HTRA2: variants seen among roughly 807,000 people sequenced by gnomAD.
HTRA2 encodes the protein serine protease HTRA2, mitochondrial.
A neutral mutation model predicts 42.2 loss-of-function variants in HTRA2; 24 were observed. That is an observed-to-expected ratio of 0.57 (90% CI 0.41 to 0.80). HTRA2 has a LOEUF of 0.80. Among genes scored for constraint, HTRA2 ranks in the 30% least tolerant of loss-of-function variants. The probability of loss-of-function intolerance (pLI) is 0.00; values close to 1 mark genes in which losing one functional copy is unlikely to be tolerated. For synonymous variants in HTRA2, 245 were observed against 255.8 expected (o/e 0.96, Z 0.40); for missense variants, 466 against 613.5 (o/e 0.76, Z 2.54).
At position 74,531,661 on chromosome 2, in the gene HTRA2, C is replaced by G. The variant is rs1187303679; in HGVS notation, c.1004C>G (p.Ser335Cys). ...GCTGGAATCTCCTTTGCCATCCCTT[C>G]TGATCGTCTTCGAGAGTTTCTGCAT... is the stretch of plus-strand genomic sequence containing the variant. ...VTAGISFAIPSDRLREFLHRG... is the reference protein window; with the variant it reads ...VTAGISFAIPCDRLREFLHRG... The change falls in exon 5 of 8, where the codon TCT (serine) becomes TGT (cysteine). Residue 335 changes from serine (S) to cysteine (C), a missense_variant. Transcript: ENST00000258080. 6.2e-7 allele frequency: 1 copy of G among 1,614,204 alleles called. No individual in the cohort carries two copies. The highest frequency in any genetic ancestry group is 8.5e-7 in the Non-Finnish European group (1 of 1,180,044).
chr2:74,531,843 C>T lies in HTRA2; in HGVS notation c.1046-13C>T, dbSNP rs542851656. 2.9e-5 allele frequency: 46 copies of T among 1,613,700 alleles called. No homozygotes were observed. The Admixed American group carries it at 3.2e-4, about 11-fold the overall frequency. ...ATGTAGCTGGGTGGGGCTCATTTGT[C>T]CCTCTGTCACAGATTCCTCCTCCGG... On this transcript the variant is annotated splice_polypyrimidine_tract_variant and intron_variant, in intron 5 of 7. Coordinates refer to ENST00000258080, the MANE Select transcript of HTRA2 (RefSeq NM_013247.5).
upstream of HTRA2, chr2:74,529,741 C>A (rs955124140): frequency 2.6e-6 from 4 of 1,513,684 alleles, no homozygotes; most frequent in African/African-American, 5.5e-5. Context: ...GTGAGGGGAC[C>A]CGAAGTCCTG....
Position 74,530,337 on chromosome 2 carries a change from C to T in HTRA2, c.331C>T (p.Leu111=), listed in dbSNP as rs1675495619. The change falls in exon 1 of 8, where the codon CTG becomes TTG. Residue 111 remains leucine, a synonymous_variant. Transcript: ENST00000258080. The surrounding 1 kb of genome is among the most constrained non-coding windows in gnomAD (Gnocchi z 7.4). ...TRSRAWLAVA[L]GAGGAVLLLL... is the part of the protein sequence containing the mutation. The stretch of plus-strand genomic sequence containing the variant: ...TTCGCGCGCGTGGCTGGCGGTGGCG[C>T]TGGGCGCTGGGGGGGCAGTGCTGTT... 2 of 1,592,222 alleles carry T rather than the reference C, an allele frequency of 1.3e-6. No individual in the cohort carries two copies. Among genetic ancestry groups the T allele is most frequent in the Non-Finnish European group, 1.7e-6 (2 of 1,167,736 alleles).
Position 74,533,115 on chromosome 2 carries a change from C to T in HTRA2, c.*130C>T, listed in dbSNP as rs990539063. ...AGGTCCCTCCAACCACCAGCACTGA[C>T]TCCTGGGCTCTGAAGAATCACAGAA... On this transcript the variant is annotated 3_prime_UTR_variant, in exon 8 of 8. Transcript: ENST00000258080. 2.2e-5 allele frequency: 16 copies of T among 743,822 alleles called. No individual in the cohort carries two copies. Among genetic ancestry groups the T allele is most frequent in the African/African-American group, 3.6e-5 (2 of 56,324 alleles). 46.1% of individuals were successfully genotyped at this position (743,822 alleles called of 1,614,324 possible). A position where few individuals can be genotyped will look rare whatever the true frequency, so the allele number is the denominator to read the frequency against.
chr2:74,529,527 C>A, upstream of HTRA2: 2 of 1,548,132 alleles, frequency 1.3e-6, no homozygotes. Context: ...AGTGGTCAGG[C>A]GCCGAAGGCC....
At chr2:74,529,693 G>T (rs377647662), upstream of HTRA2, 8 of 1,538,570 alleles carry the variant, frequency 5.2e-6, no homozygotes, top group East Asian at 9.8e-5. Flanking sequence ...GGCCGCAGGG[G>T]CTCTTGGGAA....
rs1192070557 is a variant in HTRA2 at position 74,530,031 on chromosome 2, G to C, written c.25G>C (p.Gly9Arg). Residue 9 changes from glycine (G) to arginine (R), a missense_variant, in exon 1 of 8, where the codon GGT becomes CGT. By Grantham distance (125) the Gly-to-Arg change is moderately radical. Coordinates refer to ENST00000258080, the MANE Select transcript of HTRA2 (RefSeq NM_013247.5). The surrounding 1 kb of genome is among the most constrained non-coding windows in gnomAD (Gnocchi z 7.4). ...GATGGCTGCGCCGAGGGCGGGGCGG[G>C]GTGCAGGCTGGAGCCTTCGGGCATG... The part of the protein sequence containing the change: MAAPRAGR[G>R]AGWSLRAWRA... 2 of 1,552,692 alleles carry C rather than the reference G, an allele frequency of 1.3e-6. No individual in the cohort carries two copies. The highest frequency in any genetic ancestry group is 1.7e-6 in the Non-Finnish European group (2 of 1,144,080).
In HTRA2 at chr2:74,530,561, CG is replaced by C; in HGVS notation, c.506+52del. 1 of 1,613,360 alleles carries C rather than the reference CG, an allele frequency of 6.2e-7. No homozygotes were observed. The highest frequency in any genetic ancestry group is 8.5e-7 in the Non-Finnish European group (1 of 1,179,856). On this transcript the variant is annotated intron_variant, in intron 1 of 7. Coordinates refer to ENST00000258080, the MANE Select transcript of HTRA2 (RefSeq NM_013247.5). This position sits in a 1 kb window ranked among gnomAD's most constrained non-coding sequence, Gnocchi z 7.4. ...GGCACTGAAGCCACAGGCTGGAGGGCGGGCGGGTAGGAGGGGTCAGAGCCTC... is the reference window on the plus strand; with the variant it reads ...GGCACTGAAGCCACAGGCTGGAGGGCGGCGGGTAGGAGGGGTCAGAGCCTC...
chr2:74,532,798 C>T (rs1675713305), intron 7 of HTRA2, 22 bp from the exon 8 acceptor site: 1 of 1,614,112 alleles, frequency 6.2e-7, no homozygotes, highest in Non-Finnish European at 8.5e-7. Flanking sequence ...CTTCCTTTCT[C>T]TCTGTCCATT....
chr2:74,529,513 G>A, upstream of HTRA2: 1 of 1,549,492 alleles, frequency 6.5e-7, no homozygotes, highest in Non-Finnish European at 8.7e-7. Context: ...GGGGCGAGAG[G>A]CGAAGTGGTC....
Position 74,530,320 on chromosome 2 carries a change from C to A in HTRA2, c.314C>A (p.Ala105Glu). 1 of 1,596,208 alleles carries A rather than the reference C, an allele frequency of 6.3e-7. No individual in the cohort carries two copies. The highest frequency in any genetic ancestry group is 1.3e-5 in the African/African-American group (1 of 74,414). ...GAGAACTCTGGAACCCGTTCGCGCG[C>A]GTGGCTGGCGGTGGCGCTGGGCGCT... ...ASENSGTRSRAWLAVALGAGG... is the reference protein window; with the variant it reads ...ASENSGTRSREWLAVALGAGG... Residue 105 changes from alanine to glutamate, a missense_variant, in exon 1 of 8, where the codon GCG becomes GAG. Ala to Glu is a moderately radical substitution (Grantham distance 107). Transcript: ENST00000258080. The surrounding 1 kb of genome is among the most constrained non-coding windows in gnomAD (Gnocchi z 7.4).
chr2:74,529,435 G>T (rs1213669136), upstream of HTRA2: 1 of 1,578,666 alleles, frequency 6.3e-7, no homozygotes, highest in African/African-American at 1.3e-5. Context: ...CGCAGGACGA[G>T]GAGGCAGAAC....
At chr2:74,529,729 G>A (rs1353160360), upstream of HTRA2, 4 of 1,522,912 alleles carry the variant, frequency 2.6e-6, no homozygotes, top group South Asian at 3.6e-5. Flanking sequence ...CATCCGCCCG[G>A]GGTGAGGGGA....
rs886065463 is a variant in HTRA2, at chr2:74,531,323, T to C, written c.907-16T>C. The C allele has an allele frequency of 1.2e-6, 2 of 1,613,858 alleles. No homozygotes were observed. The highest frequency in any genetic ancestry group is 2.2e-5 in the East Asian group (1 of 44,886). On this transcript the variant is annotated splice_polypyrimidine_tract_variant and intron_variant, in intron 3 of 7. Coordinates refer to ENST00000258080, the MANE Select transcript of HTRA2 (RefSeq NM_013247.5). ...GAATCCCCAGATCTCTTTCATGTTT[T>C]CTCCTTGTCCTACAGTTTGGAAACT... is the stretch of plus-strand genomic sequence containing the variant.
rs771959498 is a variant in HTRA2 at position 74,530,523 on chromosome 2, G to C, written c.506+11G>C. The stretch of plus-strand genomic sequence containing the variant: ...CGAGATCCTGGACCGGTAATGGTGG[G>C]GGTAGACCGGGAGGCACTGAAGCCA... On this transcript the variant is annotated intron_variant, in intron 1 of 7. Coordinates refer to ENST00000258080, the MANE Select transcript of HTRA2 (RefSeq NM_013247.5). This position sits in a 1 kb window ranked among gnomAD's most constrained non-coding sequence, Gnocchi z 7.4. 3 of 1,613,082 alleles carry C rather than the reference G, an allele frequency of 1.9e-6. No homozygotes were observed. Among genetic ancestry groups the C allele is most frequent in the Non-Finnish European group, 8.5e-7 (1 of 1,180,044 alleles).
chr2:74,531,232 A>C, intron 3 of HTRA2, 107 bp from the exon 4 acceptor site: 2 of 1,550,744 alleles, frequency 1.3e-6, no homozygotes, highest in East Asian at 4.5e-5. Context: ...GTGGCCACTT[A>C]TTCATGGGCT....
At position 74,530,623 on chromosome 2, in the gene HTRA2, T is replaced by C. The variant is rs183216401; in HGVS notation, c.513T>C (p.Pro171=). ...VVYIEILDRH[P]FLGREVPISN... ...TGCTTTCCCTCCATTTCAGGCACCC[T>C]TTCTTGGGCCGCGAGGTCCCTATCT... Residue 171 remains proline (P), a synonymous_variant, in exon 2 of 8, where the codon CCT becomes CCC. Transcript: ENST00000258080. This position sits in a 1 kb window ranked among gnomAD's most constrained non-coding sequence, Gnocchi z 7.4. The C allele has an allele frequency of 8.1e-6, 13 of 1,614,128 alleles. No individual in the cohort carries two copies. Among genetic ancestry groups the C allele is most frequent in the African/African-American group, 1.3e-5 (1 of 75,056 alleles).
intron 3 of HTRA2, 67 bp from the exon 4 acceptor site, chr2:74,531,272 T>TA: frequency 6.3e-7 from 1 of 1,585,558 alleles, no homozygotes; most frequent in Non-Finnish European, 8.7e-7. Flanking sequence ...AGAAAGTACC[T>TA]ACATCCTGGT....
At chr2:74,529,530 C>T (rs773326205), upstream of HTRA2, 3 of 1,548,370 alleles carry the variant, frequency 1.9e-6, no homozygotes, top group Non-Finnish European at 2.6e-6. Flanking sequence ...GGTCAGGCGC[C>T]GAAGGCCGAG....
Sources: gnomAD v4.1 joint callset for allele counts on GRCh38, gnomAD v4.1.1 for gene constraint, Gnocchi (gnomAD v3.1) non-coding constraint, MANE v1.5 for transcripts, NCBI Gene and HGNC (gene_info 2026-07-23, HGNC 2026-07-21) for gene names.